WDPCP: variants seen among roughly 807,000 people sequenced by gnomAD.
The protein encoded by WDPCP is WD repeat-containing and planar cell polarity effector protein fritz homolog.
Under a neutral mutation model 93.1 loss-of-function variants are expected in WDPCP, and 71 were observed. That is an observed-to-expected ratio of 0.76 (90% CI 0.63 to 0.93). WDPCP has a LOEUF of 0.93. Among genes scored for constraint, WDPCP ranks in the 40% least tolerant of loss-of-function variants. The probability of loss-of-function intolerance (pLI) is 0.00; values close to 1 mark genes in which losing one functional copy is unlikely to be tolerated. For missense variants in WDPCP, 844 were observed against 887.4 expected, an observed-to-expected ratio of 0.95 and a Z score of 0.62; for synonymous variants, 315 against 315.0, an observed-to-expected ratio of 1.00 and a Z score of 0.00.
At position 63,248,532 on chromosome 2, in the gene WDPCP, C is replaced by A. The variant is rs188544620; in HGVS notation, c.1915+10775G>T. Among the ~76,000 whole-genome samples the A allele has an allele frequency of 1.6e-3, 242 of 152,208 alleles. 2 individuals are homozygous for A. The highest frequency in any genetic ancestry group is 1.6e-3 in the Non-Finnish European group (108 of 68,000). On this transcript the variant is annotated intron_variant, in intron 14 of 17. Transcript: ENST00000272321. ...TCATCTTTCTGATCCTTTCTCTGTT[C>A]AATGAGCATCTTGGATTTGTGGATC...
At chr2:63,200,997 A>G (rs1309827338) in intron 14 of WDPCP, among the ~76,000 whole-genome samples, 2 of 152,164 alleles carry the variant, frequency 1.3e-5, no homozygotes, top group Admixed American at 1.3e-4. Context: ...GGTCTGTGTC[A>G]TCACCCAAAT....
upstream of WDPCP, chr2:63,589,034 G>A: frequency 6.2e-7 from 1 of 1,614,238 alleles, no homozygotes; most frequent in Non-Finnish European, 8.5e-7. Context: ...TGTCCCCGCA[G>A]TTTTCAATCA....
chr2:63,561,189 C>T (rs891775557), intron 1 of WDPCP, among the ~76,000 whole-genome samples: 1 of 152,116 alleles, frequency 6.6e-6, no homozygotes, highest in Non-Finnish European at 1.5e-5. Context: ...ATGTCAAAAG[C>T]AGTTGCAGGC....
chr2:63,266,532 G>A (rs1311613783), intron 13 of WDPCP, among the ~76,000 whole-genome samples: 1 of 152,202 alleles, frequency 6.6e-6, no homozygotes, highest in Non-Finnish European at 1.5e-5. Context: ...TATCGGCTGG[G>A]CACGGTGGCT....
intron 1 of WDPCP, among the ~76,000 whole-genome samples, chr2:63,535,747 A>G (rs543337103): frequency 6.6e-6 from 1 of 152,214 alleles, no homozygotes; most frequent in Non-Finnish European, 1.5e-5. Context: ...TAGACCTAAA[A>G]CCATAAAAGC....
chr2:63,482,276 G>A (rs115709984), intron 6 of WDPCP, among the ~76,000 whole-genome samples: 2,481 of 152,074 alleles, frequency 0.016, 34 homozygotes, highest in Non-Finnish European at 0.023. Context: ...ACGTACATTA[G>A]CAGAGGAGTA....
chr2:63,605,343 G>T, intron 3 of WDPCP: 2 of 1,614,210 alleles, frequency 1.2e-6, no homozygotes, highest in African/African-American at 1.3e-5. Context: ...CATGTCTGCT[G>T]CAAAAGCCAT....
At chr2:63,793,180 G>A (rs1049366000) in intron 2 of WDPCP, among the ~76,000 whole-genome samples, 1 of 151,944 alleles carries the variant, frequency 6.6e-6, no homozygotes, top group Non-Finnish European at 1.5e-5. Context: ...TCTATTTGCA[G>A]GCACATTTAT....
At chr2:63,641,683 C>T (rs1709981980) in intron 3 of WDPCP, among the ~76,000 whole-genome samples, 1 of 152,018 alleles carries the variant, frequency 6.6e-6, no homozygotes, top group African/African-American at 2.4e-5. Context: ...CTTACTTATT[C>T]TGGTTATTAA....
chr2:63,285,948 A>G (rs1287430644), intron 13 of WDPCP, among the ~76,000 whole-genome samples: 1 of 152,154 alleles, frequency 6.6e-6, no homozygotes, highest in African/African-American at 2.4e-5. Context: ...ACATTCTTTC[A>G]GTACACATGG....
At chr2:63,840,773 C>T in the WDPCP span, among the ~76,000 whole-genome samples, 1 of 152,258 alleles carries the variant, frequency 6.6e-6, no homozygotes, top group African/African-American at 2.4e-5. Context: ...GCTTCCCTGG[C>T]CGCAACGCCG....
At chr2:63,154,579 A>T (rs71422377) in intron 15 of WDPCP, among the ~76,000 whole-genome samples, 4,320 of 152,254 alleles carry the variant, frequency 0.028, 82 homozygotes, top group South Asian at 0.048. Flanking sequence ...GTTTTTGAAA[A>T]TTATGAATAA....
intron 14 of WDPCP, among the ~76,000 whole-genome samples, chr2:63,199,876 C>T (rs1168287616): frequency 2.6e-5 from 4 of 152,204 alleles, no homozygotes; most frequent in Non-Finnish European, 4.4e-5. Context: ...ACCACAGGCA[C>T]TCAACAGCAG....
intron 6 of WDPCP, among the ~76,000 whole-genome samples, chr2:63,444,429 T>C (rs1288546049): frequency 6.6e-6 from 1 of 152,138 alleles, no homozygotes. Context: ...TAGAAAAATA[T>C]AGTCAAGGAA....
At chr2:63,720,447 A>G (rs1669399710) in intron 2 of WDPCP, among the ~76,000 whole-genome samples, 1 of 151,624 alleles carries the variant, frequency 6.6e-6, no homozygotes, top group South Asian at 2.1e-4. Context: ...CAAAACAACA[A>G]CAACAAAAAA....
At chr2:63,758,076 T>C (rs1295898057) in intron 2 of WDPCP, among the ~76,000 whole-genome samples, 1 of 151,710 alleles carries the variant, frequency 6.6e-6, no homozygotes, top group Non-Finnish European at 1.5e-5. Flanking sequence ...TCAATCAACC[T>C]GAGATAAAGT....
intron 14 of WDPCP, among the ~76,000 whole-genome samples, chr2:63,257,019 C>T (rs1002510600): frequency 6.6e-6 from 1 of 152,092 alleles, no homozygotes. Flanking sequence ...TTGTGAAATT[C>T]ATTGAGTCAC....
intron 2 of WDPCP, among the ~76,000 whole-genome samples, chr2:63,677,177 G>C (rs1020291435): frequency 6.6e-6 from 1 of 152,108 alleles, no homozygotes; most frequent in Non-Finnish European, 1.5e-5. Context: ...GGGAATGAAG[G>C]CACTTTTAAT....
chr2:63,222,221 T>A (rs995952834), intron 14 of WDPCP, among the ~76,000 whole-genome samples: 1 of 152,210 alleles, frequency 6.6e-6, no homozygotes, highest in Non-Finnish European at 1.5e-5. Context: ...TTTATGGACT[T>A]AAGAACATCA....
Sources: allele counts gnomAD v4.1 joint callset (sites outside exome capture counted in the v4.1 genomes callset), GRCh38; gene constraint gnomAD v4.1.1; transcripts MANE v1.5; gene names NCBI Gene and HGNC (gene_info 2026-07-23, HGNC 2026-07-21).